Variants in CEP112 observed in about 807,000 individuals in gnomAD.
CEP112 encodes the protein centrosomal protein 112.
CEP112 carries 127 observed loss-of-function variants against 153.0 expected under a neutral mutation model. The observed-to-expected ratio is 0.83, with a 90% confidence interval of 0.72 to 0.96. The LOEUF (loss-of-function observed/expected upper bound fraction) is 0.96. Ranked by LOEUF, CEP112 falls within the 40% of genes least tolerant of loss-of-function variation. The probability of loss-of-function intolerance (pLI) is 0.00; values close to 1 mark genes in which losing one functional copy is unlikely to be tolerated. For synonymous variants in CEP112, 358 were observed against 374.4 expected, an observed-to-expected ratio of 0.96 and a Z score of 0.51; for missense variants, 1,089 against 1,101.2, an observed-to-expected ratio of 0.99 and a Z score of 0.16.
rs200939832 is a variant in CEP112, at chr17:66,051,217, AATCT to A, written c.1218+2515_1218+2518del. On this transcript the variant is annotated intron_variant, in intron 12 of 26. Transcript: ENST00000535342. ...TGGTCTTGAATTCCTGGGCTCAATC[AATCT>A]AACTACCTCAGTCTCCCAAAGTGCT... Among the ~76,000 whole-genome samples the A allele has an allele frequency of 7.5e-3, 1,129 of 151,184 alleles. 9 individuals carry two copies. The highest frequency in any genetic ancestry group is 0.013 in the Non-Finnish European group (852 of 67,828).
At chr17:65,651,099 T>C (rs2143607644) in intron 24 of CEP112, among the ~76,000 whole-genome samples, 1 of 152,200 alleles carries the variant, frequency 6.6e-6, no homozygotes, top group East Asian at 1.9e-4. Flanking sequence ...TCCCACCCTT[T>C]CTCCCTGAGT....
At chr17:66,075,265 G>A (rs147059089) in intron 8 of CEP112, among the ~76,000 whole-genome samples, 97 of 152,218 alleles carry the variant, frequency 6.4e-4, no homozygotes, top group African/African-American at 2.2e-3. Flanking sequence ...GTGATTGTAG[G>A]GTTAAATTAG....
chr17:65,733,856 G>A (rs1433319347), intron 23 of CEP112, among the ~76,000 whole-genome samples: 1 of 152,102 alleles, frequency 6.6e-6, no homozygotes. Context: ...TCTAAATACA[G>A]GTCCACAATG....
chr17:65,656,087 C>T (rs976858361), intron 24 of CEP112, among the ~76,000 whole-genome samples: 2 of 152,174 alleles, frequency 1.3e-5, no homozygotes, highest in African/African-American at 4.8e-5. Context: ...TGTGACGGGA[C>T]CCTAAGGCAA....
intron 18 of CEP112, among the ~76,000 whole-genome samples, chr17:65,933,972 TG>T (rs2061216588): frequency 6.6e-6 from 1 of 152,148 alleles, no homozygotes; most frequent in Non-Finnish European, 1.5e-5. Context: ...GCAGACCACT[TG>T]AGCTCAGGAG....
chr17:65,972,779 G>T (rs2062890934), intron 17 of CEP112, among the ~76,000 whole-genome samples: 1 of 152,224 alleles, frequency 6.6e-6, no homozygotes, highest in African/African-American at 2.4e-5. Flanking sequence ...TTTGTTTTTT[G>T]TTTTTTGAGA....
At chr17:65,897,381 C>G (rs1414650695) in intron 20 of CEP112, among the ~76,000 whole-genome samples, 1 of 152,054 alleles carries the variant, frequency 6.6e-6, no homozygotes, top group African/African-American at 2.4e-5. Context: ...GTATCTTTTA[C>G]TCTTGGAGTG....
At chr17:65,936,139 G>A (rs2144344363) in intron 18 of CEP112, among the ~76,000 whole-genome samples, 1 of 152,278 alleles carries the variant, frequency 6.6e-6, no homozygotes, top group East Asian at 1.9e-4. Flanking sequence ...TTGTATAGCT[G>A]AGGAAACAGA....
chr17:66,186,571 G>A (rs894434406), intron 1 of CEP112, among the ~76,000 whole-genome samples: 1 of 152,122 alleles, frequency 6.6e-6, no homozygotes, highest in African/African-American at 2.4e-5. Flanking sequence ...TTACAGGCAT[G>A]AGCCACCATG....
At chr17:65,686,113 CTTTTTTTTTTTT>C (rs35816434) in intron 24 of CEP112, among the ~76,000 whole-genome samples, 8 of 104,314 alleles carry the variant, frequency 7.7e-5, no homozygotes, top group Non-Finnish European at 1.2e-4. Context: ...AAACAACTGG[CTTTTTTTTTTTT>C]TTTTTTTTTC....
At chr17:65,653,455 G>A (rs2045889809) in intron 24 of CEP112, among the ~76,000 whole-genome samples, 1 of 152,088 alleles carries the variant, frequency 6.6e-6, no homozygotes, top group African/African-American at 2.4e-5. Flanking sequence ...TAGATTGAAG[G>A]GGGCAGGAGG....
Position 65,999,994 on chromosome 17 carries a change from A to G in CEP112, c.1736+5696T>C, listed in dbSNP as rs866316398. Reference sequence around the variant, plus strand: ...ACTAATAGGCATTTAGGTTGATTCCATGTCTTTGCTATTGTTAATATTGCT... The same window carrying G: ...ACTAATAGGCATTTAGGTTGATTCCGTGTCTTTGCTATTGTTAATATTGCT... On this transcript the variant is annotated intron_variant, in intron 17 of 26. Transcript: ENST00000535342. Among the ~76,000 whole-genome samples the G allele has an allele frequency of 6.6e-5, 10 of 152,226 alleles. 1 individual carries two copies. The Middle Eastern group carries it at 0.014, about 207-fold the overall frequency.
intron 23 of CEP112, among the ~76,000 whole-genome samples, chr17:65,691,240 C>T (rs567072571): frequency 1.3e-5 from 2 of 152,222 alleles, no homozygotes; most frequent in African/African-American, 2.4e-5. Context: ...GGTGGAGACA[C>T]GAGTTCAGAC....
chr17:65,667,126 T>C (rs958575524), intron 24 of CEP112, among the ~76,000 whole-genome samples: 16 of 152,152 alleles, frequency 1.1e-4, no homozygotes, highest in Non-Finnish European at 5.9e-5. Flanking sequence ...GGCTGGGTCT[T>C]TTGGTGTAAT....
intron 24 of CEP112, among the ~76,000 whole-genome samples, chr17:65,661,523 G>A (rs143395037): frequency 5.9e-5 from 9 of 152,162 alleles, no homozygotes; most frequent in Non-Finnish European, 5.9e-5. Context: ...TTACCCGAGA[G>A]CCTCCGCTTG....
intron 17 of CEP112, among the ~76,000 whole-genome samples, chr17:65,979,671 T>A (rs1251666254): frequency 6.6e-6 from 1 of 152,202 alleles, no homozygotes; most frequent in African/African-American, 2.4e-5. Flanking sequence ...CTTCTAGTAA[T>A]TTAGCTATTA....
chr17:65,914,376 A>G (rs2060397451), intron 19 of CEP112, among the ~76,000 whole-genome samples: 1 of 151,736 alleles, frequency 6.6e-6, no homozygotes. Context: ...AACTCTTCCA[A>G]TATATAGCAC....
chr17:65,873,129 G>A (rs11654870), intron 20 of CEP112: 45,741 of 152,146 alleles, frequency 0.3, 8,526 homozygotes, highest in Middle Eastern at 0.43. Flanking sequence ...TCCCTGGGAA[G>A]GAAGGACATA....
Position 65,706,707 on chromosome 17 carries a change from C to T in CEP112, c.2608-17489G>A, listed in dbSNP as rs564934240. Among the ~76,000 whole-genome samples, 15 of 152,278 alleles carry T rather than the reference C, an allele frequency of 9.9e-5. No individual in the cohort carries two copies. The South Asian group carries it at 1.0e-3, about 11-fold the overall frequency. On this transcript the variant is annotated intron_variant, in intron 23 of 26. Coordinates refer to ENST00000535342, the MANE Select transcript of CEP112 (RefSeq NM_001199165.4). ...ACCTAGTTATCCAAATCAGGAACTG[C>T]GAGGACACCCTTGAATTTTCTCTGC... is the stretch of plus-strand genomic sequence containing the variant.
Sources: allele counts gnomAD v4.1 joint callset (sites outside exome capture counted in the v4.1 genomes callset), GRCh38; gene constraint gnomAD v4.1.1; transcripts MANE v1.5; gene names NCBI Gene and HGNC (gene_info 2026-07-23, HGNC 2026-07-21).